The following SEC14L1 variants were observed in gnomAD, a reference collection of about 807,000 sequenced individuals.
SEC14L1 encodes the protein SEC14-like protein 1.
A neutral mutation model predicts 85.3 loss-of-function variants in SEC14L1; 48 were observed. The observed-to-expected ratio is 0.56, with a 90% CI of 0.45 to 0.72. SEC14L1 has a LOEUF of 0.72. Ranked by LOEUF, SEC14L1 falls within the 30% of genes least tolerant of loss-of-function variation. The pLI is 0.00. For missense variants in SEC14L1, 682 were observed against 921.4 expected (o/e 0.74, Z 3.36); for synonymous variants, 391 against 355.5 (o/e 1.10, Z -1.12).
At chr17:77,136,122 G>A (rs1279932873), upstream of SEC14L1, among the ~76,000 whole-genome samples, 4 of 151,736 alleles carry the variant, frequency 2.6e-5, no homozygotes, top group African/African-American at 4.8e-5. Context: ...TGACCTGCCC[G>A]CCTCGGCCTC....
Position 77,206,469 on chromosome 17 carries a change from C to T in SEC14L1, c.1341+69C>T, listed in dbSNP as rs895414320. 31 of 1,502,490 alleles carry T rather than the reference C, an allele frequency of 2.1e-5. No homozygotes were observed. Among genetic ancestry groups the T allele is most frequent in the Admixed American group, 3.9e-5 (2 of 51,192 alleles). The allele number at this position is 1,502,490 out of a possible 1,614,324, so 93.1% of individuals were successfully genotyped here. On this transcript the variant is annotated intron_variant, in intron 12 of 16. Coordinates refer to ENST00000436233, the MANE Select transcript of SEC14L1 (RefSeq NM_001143998.2). This position sits in a 1 kb window ranked among gnomAD's most constrained non-coding sequence, Gnocchi z 4.3. ...AGCAGATAACATGCATTCATATACA[C>T]GTGTCTGTGACCTAAAGTCTTAACT...
At chr17:77,099,183 A>C (rs1367673438) in intron 3 of SEC14L1, 1 of 152,232 alleles carries the variant, frequency 6.6e-6, no homozygotes, top group Non-Finnish European at 1.5e-5. Flanking sequence ...CCCGAGCAGC[A>C]AAACATTTAG....
At chr17:77,172,585 A>G (rs1421318871) in intron 3 of SEC14L1, among the ~76,000 whole-genome samples, 4 of 152,132 alleles carry the variant, frequency 2.6e-5, no homozygotes, top group African/African-American at 9.7e-5. Flanking sequence ...GTCTCTCAAA[A>G]GCTGCTCTAT....
intron 3 of SEC14L1, among the ~76,000 whole-genome samples, chr17:77,145,743 G>T (rs1205420842): frequency 2.0e-5 from 3 of 152,182 alleles, no homozygotes; most frequent in Non-Finnish European, 4.4e-5. Flanking sequence ...GCTGGGATGG[G>T]CTGAGCTCCA....
At position 77,214,091 on chromosome 17, in the gene SEC14L1, G is replaced by A. The variant is rs557086561; in HGVS notation, c.*68G>A. On this transcript the variant is annotated 3_prime_UTR_variant, in exon 17 of 17. Transcript: ENST00000436233. ...CCTCCTCGGACAGCCAGCTGCACCCGCCCACCCAGCGGCGACATTGTACAG... is the reference window on the plus strand; with the variant it reads ...CCTCCTCGGACAGCCAGCTGCACCCACCCACCCAGCGGCGACATTGTACAG... The A allele has an allele frequency of 8.2e-5, 129 of 1,564,284 alleles. No individual in the cohort carries two copies. Among genetic ancestry groups the A allele is most frequent in the Admixed American group, 1.1e-4 (6 of 54,282 alleles).
At chr17:77,198,385 G>A (rs955838579) in intron 8 of SEC14L1, among the ~76,000 whole-genome samples, 6 of 152,182 alleles carry the variant, frequency 3.9e-5, no homozygotes, top group Admixed American at 2.0e-4. Context: ...TGTGAAAGTT[G>A]AACATTACTA....
intron 13 of SEC14L1, 49 bp from the exon 14 acceptor site, chr17:77,209,293 G>C: frequency 6.2e-7 from 1 of 1,605,988 alleles, no homozygotes; most frequent in Non-Finnish European, 8.5e-7. Context: ...GGGTTTCGTG[G>C]GGTTGGTTTG....
intron 3 of SEC14L1, among the ~76,000 whole-genome samples, chr17:77,175,868 G>C (rs1974729497): frequency 6.6e-6 from 1 of 151,960 alleles, no homozygotes. Context: ...TTAATTTCCG[G>C]CCTCCGTGTA....
intron 3 of SEC14L1, among the ~76,000 whole-genome samples, chr17:77,154,032 C>G (rs1461526398): frequency 6.6e-6 from 1 of 152,176 alleles, no homozygotes; most frequent in Admixed American, 6.5e-5. Flanking sequence ...CCCACAGATA[C>G]AACCAACCGT....
chr17:77,169,773 C>T (rs1211244717), intron 3 of SEC14L1, among the ~76,000 whole-genome samples: 3 of 151,946 alleles, frequency 2.0e-5, no homozygotes, highest in African/African-American at 7.3e-5. Context: ...AGCTCCTGGG[C>T]CATAGAAGTG....
intron 3 of SEC14L1, among the ~76,000 whole-genome samples, chr17:77,173,897 CTTTT>C (rs1164478049): frequency 2.0e-5 from 3 of 150,230 alleles, no homozygotes; most frequent in Non-Finnish European, 3.0e-5. Flanking sequence ...TGCACCCTTT[CTTTT>C]TTTCTTTTTT....
intron 3 of SEC14L1, among the ~76,000 whole-genome samples, chr17:77,174,478 T>C (rs1974658765): frequency 6.6e-6 from 1 of 152,244 alleles, no homozygotes; most frequent in South Asian, 2.1e-4. Flanking sequence ...CAGGATGTCC[T>C]GACCACCAAG....
intron 2 of SEC14L1, chr17:77,089,782 G>C (rs1266014845): frequency 4.7e-6 from 1 of 210,828 alleles, no homozygotes; most frequent in South Asian, 5.2e-5. Context: ...TTGGGAGGCC[G>C]AGGCGGGTGG....
Position 77,200,587 on chromosome 17 carries a change from A to G in SEC14L1, c.923A>G (p.His308Arg). 1 of 1,614,150 alleles carries G rather than the reference A, an allele frequency of 6.2e-7. No individual in the cohort carries two copies. The highest frequency in any genetic ancestry group is 8.5e-7 in the Non-Finnish European group (1 of 1,179,966). The part of the protein sequence containing the change: ...MCQSLTWRKQ[H>R]QVDYILETWT... The stretch of plus-strand genomic sequence containing the variant: ...CAGTCTTTGACGTGGAGAAAGCAGC[A>G]TCAGGTAGACTACATTCTTGAAACC... Residue 308 changes from histidine (H) to arginine (R), a missense_variant, in exon 9 of 17, where the codon CAT (histidine) becomes CGT (arginine). Physicochemically the swap from His to Arg is conservative, Grantham distance 29 (BLOSUM62 0). Transcript: ENST00000436233.
chr17:77,100,795 G>C (rs931676833), intron 3 of SEC14L1, among the ~76,000 whole-genome samples: 3 of 152,042 alleles, frequency 2.0e-5, no homozygotes, highest in African/African-American at 7.2e-5. Flanking sequence ...GCCTCTCAGC[G>C]TAACTTTACG....
At chr17:77,119,416 G>A (rs1014621834) in intron 3 of SEC14L1, among the ~76,000 whole-genome samples, 3 of 152,028 alleles carry the variant, frequency 2.0e-5, no homozygotes, top group African/African-American at 7.3e-5. Context: ...ACCTTTCAGG[G>A]GTTGGAAGGA....
chr17:77,124,332 C>A (rs1221286430), intron 3 of SEC14L1, among the ~76,000 whole-genome samples: 1 of 152,196 alleles, frequency 6.6e-6, no homozygotes, highest in East Asian at 1.9e-4. Context: ...CCACTGCATT[C>A]CAGCCAGGGT....
intron 3 of SEC14L1, among the ~76,000 whole-genome samples, chr17:77,162,720 C>G (rs1007255123): frequency 1.2e-4 from 18 of 151,894 alleles, no homozygotes; most frequent in African/African-American, 4.4e-4. Context: ...ATCGCAGCTA[C>G]TCGGGAGGTT....
chr17:77,161,655 C>T (rs1974055644), intron 3 of SEC14L1, among the ~76,000 whole-genome samples: 1 of 151,030 alleles, frequency 6.6e-6, no homozygotes, highest in African/African-American at 2.4e-5. Context: ...ATTTCTTTGC[C>T]ATAGAGATTT....
Sources: gnomAD v4.1 joint callset for allele counts (sites outside exome capture counted in the v4.1 genomes callset) on GRCh38, gnomAD v4.1.1 for gene constraint, Gnocchi (gnomAD v3.1) non-coding constraint, MANE v1.5 for transcripts, NCBI Gene and HGNC (gene_info 2026-07-23, HGNC 2026-07-21) for gene names.